Variants in MACROD2 observed in about 807,000 individuals in gnomAD.
The protein encoded by MACROD2 is ADP-ribose glycohydrolase MACROD2.
A neutral mutation model predicts 70.4 loss-of-function variants in MACROD2; 36 were observed. The ratio of observed to expected loss-of-function variants is 0.51; its 90% CI spans 0.39 to 0.68. The LOEUF (loss-of-function observed/expected upper bound fraction) is 0.68. Ranked by LOEUF, MACROD2 falls within the 30% of genes least tolerant of loss-of-function variation. The pLI, the probability that MACROD2 is intolerant of heterozygous loss-of-function variation, is 0.00. For synonymous variants in MACROD2, 172 were observed against 178.8 expected (o/e 0.96, Z 0.30); for missense variants, 496 against 538.4 (o/e 0.92, Z 0.78).
chr20:15,435,400 C>T (rs2046415383), intron 7 of MACROD2, among the ~76,000 whole-genome samples: 1 of 152,042 alleles, frequency 6.6e-6, no homozygotes, highest in Non-Finnish European at 1.5e-5. Context: ...TAAACACACA[C>T]ACAAAAGAAT....
intron 5 of MACROD2, among the ~76,000 whole-genome samples, chr20:15,211,639 AC>A (rs1300499785): frequency 6.6e-6 from 1 of 152,026 alleles, no homozygotes; most frequent in East Asian, 1.9e-4. Flanking sequence ...CATGTGGCAT[AC>A]TAGCTCCCCT....
chr20:15,067,075 C>T (rs6074834), intron 5 of MACROD2, among the ~76,000 whole-genome samples: 1 of 152,066 alleles, frequency 6.6e-6, no homozygotes, highest in Non-Finnish European at 1.5e-5. Flanking sequence ...ATTTTATTTC[C>T]TATTTTATCT....
At chr20:14,556,170 A>G (rs1445918242) in intron 4 of MACROD2, among the ~76,000 whole-genome samples, 1 of 152,070 alleles carries the variant, frequency 6.6e-6, no homozygotes, top group African/African-American at 2.4e-5. Flanking sequence ...AGGTCAAAGG[A>G]CACAAATAGG....
chr20:15,051,034 C>A (rs1019244460), intron 5 of MACROD2, among the ~76,000 whole-genome samples: 9 of 152,044 alleles, frequency 5.9e-5, no homozygotes, highest in African/African-American at 2.2e-4. Flanking sequence ...GTCTGAATAT[C>A]TCCTTTCCAA....
At chr20:14,110,678 C>G (rs1176562898) in intron 3 of MACROD2, among the ~76,000 whole-genome samples, 1 of 151,728 alleles carries the variant, frequency 6.6e-6, no homozygotes, top group African/African-American at 2.4e-5. Context: ...AGTAAACTAT[C>G]TCTACAATGA....
chr20:15,993,470 C>A (rs539854629), intron 15 of MACROD2, among the ~76,000 whole-genome samples: 2 of 151,734 alleles, frequency 1.3e-5, no homozygotes, highest in African/African-American at 4.8e-5. Flanking sequence ...GGGTTTATAA[C>A]CTAAGAGCAA....
chr20:15,488,590 G>C (rs963671498), intron 7 of MACROD2, among the ~76,000 whole-genome samples: 6 of 152,182 alleles, frequency 3.9e-5, no homozygotes, highest in Admixed American at 3.9e-4. Flanking sequence ...CCCCACTGGG[G>C]GGCTCCTAGC....
At chr20:15,264,406 AACTTGAG>A (rs1465500428) in intron 6 of MACROD2, among the ~76,000 whole-genome samples, 2 of 152,172 alleles carry the variant, frequency 1.3e-5, no homozygotes, top group Admixed American at 1.3e-4. Flanking sequence ...CTCTAGAATA[AACTTGAG>A]AGTAGACAGG....
chr20:14,386,728 C>T (rs2083471798), intron 3 of MACROD2, among the ~76,000 whole-genome samples: 1 of 152,166 alleles, frequency 6.6e-6, no homozygotes, highest in African/African-American at 2.4e-5. Context: ...ATCATGCTTC[C>T]TGAACAGCCT....
chr20:14,580,803 A>G (rs1327093147), intron 4 of MACROD2, among the ~76,000 whole-genome samples: 1 of 152,196 alleles, frequency 6.6e-6, no homozygotes, highest in Admixed American at 6.5e-5. Flanking sequence ...GTGTTCTTTT[A>G]CTGTGTTAAC....
chr20:14,853,513 G>GA (rs11480776), intron 5 of MACROD2, among the ~76,000 whole-genome samples: 87,062 of 151,404 alleles, frequency 0.58, 26,206 homozygotes, highest in Non-Finnish European at 0.67. Flanking sequence ...AAAGTAGGGA[G>GA]AAAAAAAATG....
At chr20:14,240,439 A>T (rs1380282540) in intron 3 of MACROD2, among the ~76,000 whole-genome samples, 2 of 152,236 alleles carry the variant, frequency 1.3e-5, no homozygotes, top group Non-Finnish European at 2.9e-5. Context: ...GAATTAACAT[A>T]AATGCCCATC....
intron 5 of MACROD2, among the ~76,000 whole-genome samples, chr20:14,916,492 T>C (rs1325851130): frequency 6.6e-6 from 1 of 152,158 alleles, no homozygotes; most frequent in Non-Finnish European, 1.5e-5. Context: ...TACTTGTTTG[T>C]GAAATAGAAA....
At chr20:15,426,200 A>AT (rs1491399540) in intron 6 of MACROD2, among the ~76,000 whole-genome samples, 20 of 134,370 alleles carry the variant, frequency 1.5e-4, no homozygotes, top group African/African-American at 5.2e-4. Context: ...AGAATGATCA[A>AT]TAAAAAAAAA....
chr20:14,656,650 A>G (rs576425881), intron 4 of MACROD2, among the ~76,000 whole-genome samples: 37 of 152,330 alleles, frequency 2.4e-4, no homozygotes, highest in African/African-American at 8.7e-4. Flanking sequence ...CATTATGACT[A>G]AAACGCGTGT....
chr20:16,038,378 C>T lies in MACROD2; in HGVS notation c.1154-2823C>T, dbSNP rs58831369. Among the ~76,000 whole-genome samples the T allele has an allele frequency of 4.0e-3, 607 of 151,994 alleles. 4 individuals are homozygous for T. The highest frequency in any genetic ancestry group is 0.014 in the African/African-American group (588 of 41,510). On this transcript the variant is annotated intron_variant, in intron 15 of 17. Transcript: ENST00000684519. ...CTATTTTACATAGGATAAATCCTAT[C>T]TCATATGGTTCCTTCACTCTTATCT... is the stretch of plus-strand genomic sequence containing the variant.
chr20:15,234,644 C>A (rs897298625), intron 6 of MACROD2, among the ~76,000 whole-genome samples: 1 of 151,998 alleles, frequency 6.6e-6, no homozygotes, highest in East Asian at 1.9e-4. Flanking sequence ...AACAGTATAT[C>A]CTGAAACAAT....
chr20:15,108,296 A>G (rs1376413047), intron 5 of MACROD2, among the ~76,000 whole-genome samples: 1 of 152,158 alleles, frequency 6.6e-6, no homozygotes, highest in Non-Finnish European at 1.5e-5. Context: ...GGTTTTTATT[A>G]CTATATTTTC....
At chr20:15,055,849 G>GTTACC (rs1394538568) in intron 5 of MACROD2, among the ~76,000 whole-genome samples, 45 of 148,350 alleles carry the variant, frequency 3.0e-4, no homozygotes, top group Middle Eastern at 3.5e-3. Flanking sequence ...AGGCTAGAGT[G>GTTACC]CAGTGGCGCC....
Sources: gnomAD v4.1 joint callset for allele counts (sites outside exome capture counted in the v4.1 genomes callset) on GRCh38, gnomAD v4.1.1 for gene constraint, MANE v1.5 for transcripts, NCBI Gene and HGNC (gene_info 2026-07-23, HGNC 2026-07-21) for gene names.